TMC2: variants seen among roughly 807,000 people sequenced by gnomAD.
The protein encoded by TMC2 is transmembrane channel like 2.
TMC2 carries 102 observed loss-of-function variants against 105.9 expected under a neutral mutation model. That is an observed-to-expected ratio of 0.96 (90% CI 0.82 to 1.14). TMC2 has a LOEUF of 1.14. Among genes scored for constraint, TMC2 ranks in the 50% most tolerant of loss-of-function variants. TMC2 has a pLI of 0.00. For synonymous variants in TMC2, 402 were observed against 422.8 expected, an observed-to-expected ratio of 0.95 and a Z score of 0.60; for missense variants, 1,093 against 1,134.3, an observed-to-expected ratio of 0.96 and a Z score of 0.52.
chr20:2,582,341 G>T (rs895452096), intron 7 of TMC2, among the ~76,000 whole-genome samples: 1 of 152,196 alleles, frequency 6.6e-6, no homozygotes, highest in Admixed American at 6.5e-5. Flanking sequence ...CAGGGCTCAA[G>T]GGTTTTCAGC....
intron 19 of TMC2, 150 bp downstream of exon 19, chr20:2,637,741 G>A: frequency 3.3e-6 from 2 of 609,180 alleles, no homozygotes; most frequent in Non-Finnish European, 5.8e-6. Flanking sequence ...TGAATATAGG[G>A]GTCAATCATA....
rs570899504 is a variant in TMC2, at chr20:2,639,594, A to C, written c.2504-1540A>C. Among the ~76,000 whole-genome samples the C allele has an allele frequency of 6.4e-4, 97 of 152,340 alleles. 1 individual carries two copies. Among genetic ancestry groups the C allele is most frequent in the African/African-American group, 2.2e-3 (90 of 41,582 alleles). On this transcript the variant is annotated intron_variant, in intron 19 of 19. Coordinates refer to ENST00000358864, the MANE Select transcript of TMC2 (RefSeq NM_080751.3). ...GGTCACACAACAACAAAATCACCTA[A>C]TGATGCATTTCTCAGAATGTATCCG...
At position 2,548,413 on chromosome 20, in the gene TMC2, C is replaced by G. The variant is rs142133688; in HGVS notation, c.83-10043C>G. ...CAGCACTTTGGGAGGCCAAGGCAGG[C>G]GGATCACCCGAGATCGGGGGTTCGA... On this transcript the variant is annotated intron_variant, in intron 2 of 19. Transcript: ENST00000358864. Among the ~76,000 whole-genome samples, 459 of 152,122 alleles carry G rather than the reference C, an allele frequency of 3.0e-3. 8 individuals carry two copies. Among genetic ancestry groups the G allele is most frequent in the African/African-American group, 0.01 (431 of 41,494 alleles).
chr20:2,634,639 C>G (rs2086628421), intron 17 of TMC2, among the ~76,000 whole-genome samples: 1 of 152,142 alleles, frequency 6.6e-6, no homozygotes, highest in Non-Finnish European at 1.5e-5. Flanking sequence ...ACATAGCCAC[C>G]CATGAGCATT....
intron 11 of TMC2, among the ~76,000 whole-genome samples, chr20:2,607,377 G>A (rs999223197): frequency 1.3e-5 from 2 of 151,960 alleles, no homozygotes; most frequent in Non-Finnish European, 1.5e-5. Context: ...TTTCAATTCT[G>A]TTCTCAGAAT....
chr20:2,544,592 C>G (rs2085911829), intron 2 of TMC2, among the ~76,000 whole-genome samples: 1 of 152,200 alleles, frequency 6.6e-6, no homozygotes, highest in Non-Finnish European at 1.5e-5. Context: ...ACATTCCCCA[C>G]CTTGGGAGAT....
chr20:2,617,553 G>A, intron 16 of TMC2: 1 of 539,094 alleles, frequency 1.9e-6, no homozygotes, highest in Non-Finnish European at 3.3e-6. Flanking sequence ...CTTGAAATGA[G>A]GAACTGAGAA....
At position 2,552,156 on chromosome 20, in the gene TMC2, G is replaced by A. The variant is rs569828306; in HGVS notation, c.83-6300G>A. ...ACCTGTAGTCCCCCCTACTTGGGAG[G>A]CTGAGGTGGGAGGATTGCTTGAGAG... On this transcript the variant is annotated intron_variant, in intron 2 of 19. Transcript: ENST00000358864. Among the ~76,000 whole-genome samples the A allele has an allele frequency of 8.7e-4, 133 of 152,318 alleles. 1 individual carries two copies. The highest frequency in any genetic ancestry group is 5.0e-3 in the South Asian group (24 of 4,832).
Position 2,617,198 on chromosome 20 carries a change from C to G in TMC2, c.2067C>G (p.Ser689=), listed in dbSNP as rs1055977937. 1 of 1,614,098 alleles carries G rather than the reference C, an allele frequency of 6.2e-7. No homozygotes were observed. The highest frequency in any genetic ancestry group is 8.5e-7 in the Non-Finnish European group (1 of 1,180,046). ...NVPHERVFKA[S]RSNNFYMGLL... ...CCCATGAACGCGTGTTCAAAGCCTC[C>G]CGATCCAACAACTTCTACATGGGCC... Residue 689 remains serine, a synonymous_variant, in exon 16 of 20, where the codon TCC becomes TCG. Transcript: ENST00000358864.
Position 2,616,150 on chromosome 20 carries a change from A to G in TMC2, c.1886A>G (p.Glu629Gly), listed in dbSNP as rs1335620498. The change falls in exon 15 of 20, where the codon GAG (glutamate) becomes GGG (glycine). Residue 629 changes from glutamate to glycine, a missense_variant. Coordinates refer to ENST00000358864, the MANE Select transcript of TMC2 (RefSeq NM_080751.3). The surrounding 1 kb of genome is among the most constrained non-coding windows in gnomAD (Gnocchi z 4.8). Reference protein sequence around the residue: ...DLEAGFPSYAEFDISGNVLGL... With the variant: ...DLEAGFPSYAGFDISGNVLGL... Reference sequence around the variant, plus strand: ...CTCCCTCTCTAGCCTTCATATGCTGAGTTTGATATTAGTGGAAATGTGCTG... The same window carrying G: ...CTCCCTCTCTAGCCTTCATATGCTGGGTTTGATATTAGTGGAAATGTGCTG... 6.2e-7 allele frequency: 1 copy of G among 1,611,464 alleles called. No homozygotes were observed.
intron 9 of TMC2, among the ~76,000 whole-genome samples, chr20:2,595,809 T>G (rs1457962707): frequency 6.6e-6 from 1 of 151,832 alleles, no homozygotes; most frequent in Non-Finnish European, 1.5e-5. Flanking sequence ...CTGGGTAGAG[T>G]GAAGTCTGGG....
At position 2,617,236 on chromosome 20, in the gene TMC2, T is replaced by G. The variant is rs1021689197; in HGVS notation, c.2105T>G (p.Val702Gly). 4.3e-6 allele frequency: 7 copies of G among 1,614,074 alleles called. No individual in the cohort carries two copies. In the Admixed American group the frequency reaches 5.0e-5, roughly 12 times the overall value. Residue 702 changes from valine to glycine, a missense_variant, in exon 16 of 20, where the codon GTG (valine) becomes GGG (glycine). Coordinates refer to ENST00000358864, the MANE Select transcript of TMC2 (RefSeq NM_080751.3). ...TTCTACATGGGCCTCCTGCTGCTGG[T>G]GCTCTTCCTCAGCCTCCTGCCGGTG... ...NNFYMGLLLL[V>G]LFLSLLPVAY...
Position 2,624,289 on chromosome 20 carries a change from C to T in TMC2, c.2199C>T (p.Tyr733=). Residue 733 remains tyrosine (Y), a synonymous_variant, in exon 17 of 20, where the codon TAC becomes TAT. Transcript: ENST00000358864. ...TTTCCAGTGGGAAAAACAGAATGTA[C>T]GATGTCCTCCAAGAGACCATTGAAA... is the stretch of plus-strand genomic sequence containing the variant. The part of the protein sequence containing the change: ...CGPFSGKNRM[Y]DVLQETIEND... The T allele has an allele frequency of 1.9e-6, 3 of 1,614,000 alleles. No homozygotes were observed. Among genetic ancestry groups the T allele is most frequent in the Non-Finnish European group, 2.5e-6 (3 of 1,179,942 alleles).
At position 2,537,334 on chromosome 20, in the gene TMC2, G is replaced by C. The variant is rs1361371148; in HGVS notation, c.82+18G>C. On this transcript the variant is annotated intron_variant, in intron 2 of 19. Transcript: ENST00000358864. ...ACACACAGGTGAGATGGGGTGGTGG[G>C]GTCTCTGGGGAGCCTGCAGTGCCTG... 1.9e-6 allele frequency: 3 copies of C among 1,590,390 alleles called. No homozygotes were observed. Among genetic ancestry groups the C allele is most frequent in the Non-Finnish European group, 2.6e-6 (3 of 1,168,038 alleles).
chr20:2,624,685 A>G (rs543855252), intron 17 of TMC2, among the ~76,000 whole-genome samples: 1 of 152,304 alleles, frequency 6.6e-6, no homozygotes, highest in East Asian at 1.9e-4. Flanking sequence ...ACCAGCTCCC[A>G]GCGTCATTCA....
intron 18 of TMC2, 82 bp from the exon 19 acceptor site, chr20:2,637,392 A>AAAAAAG: frequency 1.2e-6 from 1 of 832,750 alleles, no homozygotes; most frequent in East Asian, 2.6e-5. Context: ...TGTCTCAAAA[A>AAAAAAG]AAAAAAAAAT....
At chr20:2,613,835 T>C in intron 14 of TMC2, 1 of 211,382 alleles carries the variant, frequency 4.7e-6, no homozygotes, top group Non-Finnish European at 9.6e-6. Flanking sequence ...CTCTGTAGTG[T>C]CCTTCTATGC....
chr20:2,627,486 A>G (rs541862498), intron 17 of TMC2, among the ~76,000 whole-genome samples: 18 of 152,294 alleles, frequency 1.2e-4, no homozygotes, highest in African/African-American at 3.8e-4. Context: ...TCAAGTCCCA[A>G]AGACTGTGGC....
chr20:2,581,318 A>G (rs2086187933), intron 7 of TMC2, among the ~76,000 whole-genome samples: 1 of 152,224 alleles, frequency 6.6e-6, no homozygotes, highest in African/African-American at 2.4e-5. Flanking sequence ...TATTACTCAA[A>G]ATGTGTGCTT....
Sources: allele counts gnomAD v4.1 joint callset (sites outside exome capture counted in the v4.1 genomes callset), GRCh38; gene constraint gnomAD v4.1.1; non-coding constraint Gnocchi (gnomAD v3.1); transcripts MANE v1.5; gene names NCBI Gene and HGNC (gene_info 2026-07-23, HGNC 2026-07-21).